EPHB1: variants seen among roughly 807,000 people sequenced by gnomAD.
EPHB1 encodes EPH receptor B1.
Under a neutral mutation model 94.4 loss-of-function variants are expected in EPHB1, and 30 were observed. The ratio of observed to expected loss-of-function variants is 0.32; its 90% confidence interval spans 0.24 to 0.43. The LOEUF (loss-of-function observed/expected upper bound fraction) is 0.43, where lower values mean the gene tolerates loss of function less well. EPHB1 is among the 20% of genes least tolerant of loss of function. EPHB1 has a pLI of 1.00. For synonymous variants in EPHB1, 522 were observed against 489.1 expected (o/e 1.07, Z -0.89); for missense variants, 1,055 against 1,308.3 (o/e 0.81, Z 2.99).
intron 5 of EPHB1, among the ~76,000 whole-genome samples, chr3:135,149,887 C>A (rs974008499): frequency 6.6e-6 from 1 of 152,170 alleles, no homozygotes; most frequent in Non-Finnish European, 1.5e-5. Context: ...GGAGTCCATA[C>A]CATGTGTAGT....
intron 3 of EPHB1, among the ~76,000 whole-genome samples, chr3:135,000,294 G>C (rs1455173493): frequency 6.6e-6 from 1 of 152,166 alleles, no homozygotes; most frequent in African/African-American, 2.4e-5. Context: ...TGTGTGTCAG[G>C]TGTTGACACC....
intron 1 of EPHB1, among the ~76,000 whole-genome samples, chr3:134,871,950 G>T (rs1249106021): frequency 6.6e-6 from 1 of 152,196 alleles, no homozygotes; most frequent in East Asian, 1.9e-4. Flanking sequence ...AGCTTCATAG[G>T]AAGCACAGGA....
At chr3:134,798,407 A>T (rs2035872127) in intron 1 of EPHB1, among the ~76,000 whole-genome samples, 1 of 152,162 alleles carries the variant, frequency 6.6e-6, no homozygotes, top group Non-Finnish European at 1.5e-5. Context: ...TCAAATTCTC[A>T]TAATCAGGCA....
chr3:135,132,645 C>T (rs2107687018), intron 4 of EPHB1, 69 bp from the exon 5 acceptor site: 2 of 1,406,038 alleles, frequency 1.4e-6, no homozygotes, highest in Admixed American at 4.8e-5. Context: ...GCACCAGAGG[C>T]AGACAAGAGA....
chr3:134,969,328 C>CTGT (rs1933885301), intron 3 of EPHB1, among the ~76,000 whole-genome samples: 1 of 152,112 alleles, frequency 6.6e-6, no homozygotes, highest in Non-Finnish European at 1.5e-5. Flanking sequence ...TGTGAAGTGT[C>CTGT]TCTTCTAGGT....
intron 1 of EPHB1, among the ~76,000 whole-genome samples, chr3:134,880,020 T>C (rs1373978208): frequency 6.6e-6 from 1 of 152,196 alleles, no homozygotes. Context: ...CAATGCCAAA[T>C]GCTGGAGTTC....
At chr3:134,858,682 G>A (rs2108302782) in intron 1 of EPHB1, among the ~76,000 whole-genome samples, 1 of 152,326 alleles carries the variant, frequency 6.6e-6, no homozygotes, top group Non-Finnish European at 1.5e-5. Flanking sequence ...ACTACGGAAT[G>A]ATAGACCCCT....
intron 3 of EPHB1, among the ~76,000 whole-genome samples, chr3:135,027,747 T>A (rs1462284177): frequency 1.5e-5 from 2 of 136,798 alleles, no homozygotes; most frequent in African/African-American, 5.0e-5. Flanking sequence ...ATAAAATGAG[T>A]TAGGGAGGAT....
chr3:135,151,633 C>T (rs1221026108), intron 5 of EPHB1, among the ~76,000 whole-genome samples: 1 of 152,146 alleles, frequency 6.6e-6, no homozygotes, highest in Non-Finnish European at 1.5e-5. Flanking sequence ...TATGGTGCCT[C>T]TAGAACCTAA....
At chr3:135,068,814 A>C (rs1937621792) in intron 3 of EPHB1, among the ~76,000 whole-genome samples, 1 of 151,092 alleles carries the variant, frequency 6.6e-6, no homozygotes, top group African/African-American at 2.4e-5. Flanking sequence ...ACACCTGACT[A>C]ATTTTTTGTA....
intron 1 of EPHB1, among the ~76,000 whole-genome samples, chr3:134,906,534 T>C (rs148730215): frequency 6.6e-6 from 1 of 152,348 alleles, no homozygotes; most frequent in East Asian, 1.9e-4. Flanking sequence ...TCTTCTAGCA[T>C]GTTTGTCCAG....
chr3:135,201,025 C>T (rs542350711), intron 11 of EPHB1, among the ~76,000 whole-genome samples: 88 of 152,152 alleles, frequency 5.8e-4, no homozygotes, highest in African/African-American at 1.5e-3. Flanking sequence ...TGATCCCAGG[C>T]GGTCTCATGG....
intron 1 of EPHB1, among the ~76,000 whole-genome samples, chr3:134,869,896 C>A (rs866533851): frequency 4.6e-5 from 7 of 152,260 alleles, no homozygotes; most frequent in South Asian, 4.1e-4. Flanking sequence ...ATACAGCTGG[C>A]AAACAGGTGT....
At position 134,972,651 on chromosome 3, in the gene EPHB1, G is replaced by A. The variant is rs147410323; in HGVS notation, c.805+20599G>A. 4.2e-3 allele frequency among the ~76,000 whole-genome samples: 640 copies of A among 151,080 alleles called. 3 individuals carry two copies. The highest frequency in any genetic ancestry group is 0.015 in the African/African-American group (606 of 41,146). ...CGTAATATTTGCATTCAACAAACAAGTACTTTTAACACAAAAATTGCAATA... is the reference window on the plus strand; with the variant it reads ...CGTAATATTTGCATTCAACAAACAAATACTTTTAACACAAAAATTGCAATA... On this transcript the variant is annotated intron_variant, in intron 3 of 15. Transcript: ENST00000398015.
chr3:135,160,963 A>C (rs1230142574), intron 6 of EPHB1, among the ~76,000 whole-genome samples: 2 of 152,208 alleles, frequency 1.3e-5, no homozygotes, highest in African/African-American at 4.8e-5. Context: ...AATTGACTTC[A>C]TTATGAAGGA....
At chr3:134,797,038 T>C (rs1158829171) in intron 1 of EPHB1, among the ~76,000 whole-genome samples, 1 of 152,152 alleles carries the variant, frequency 6.6e-6, no homozygotes, top group Non-Finnish European at 1.5e-5. Context: ...CGGCTAAGAT[T>C]CCCTTCCCTT....
chr3:134,863,234 G>GC (rs2037304180), intron 1 of EPHB1, among the ~76,000 whole-genome samples: 2 of 152,326 alleles, frequency 1.3e-5, no homozygotes, highest in African/African-American at 4.8e-5. Flanking sequence ...GCTCCCCAAG[G>GC]CCCTGTTAGG....
At chr3:134,978,926 G>A (rs1934301473) in intron 3 of EPHB1, among the ~76,000 whole-genome samples, 1 of 152,224 alleles carries the variant, frequency 6.6e-6, no homozygotes, top group South Asian at 2.1e-4. Flanking sequence ...GGCTTCAGAG[G>A]AGTAAAATAG....
At chr3:134,888,408 G>A (rs2037900723) in intron 1 of EPHB1, among the ~76,000 whole-genome samples, 1 of 152,182 alleles carries the variant, frequency 6.6e-6, no homozygotes, top group Non-Finnish European at 1.5e-5. Context: ...GTCCCTTCAA[G>A]AGAAACATGC....
Sources: allele counts gnomAD v4.1 joint callset (sites outside exome capture counted in the v4.1 genomes callset), GRCh38; gene constraint gnomAD v4.1.1; transcripts MANE v1.5; gene names NCBI Gene and HGNC (gene_info 2026-07-23, HGNC 2026-07-21).